Variants in EEF1D observed in about 807,000 individuals in gnomAD.
EEF1D encodes the protein eukaryotic translation elongation factor 1 delta.
In EEF1D, 47 loss-of-function variants were observed where a neutral mutation model predicts 63.9. The ratio of observed to expected loss-of-function variants is 0.74; its 90% CI spans 0.58 to 0.94. EEF1D has a LOEUF of 0.94. Among genes scored for constraint, EEF1D ranks in the 40% least tolerant of loss-of-function variants. The pLI is 0.00. For missense variants in EEF1D, 907 were observed against 899.0 expected (o/e 1.01, Z -0.11); for synonymous variants, 412 against 386.1 (o/e 1.07, Z -0.79).
In EEF1D at chr8:143,581,072, G is replaced by A. The variant is rs772197581; in HGVS notation, c.1470C>T (p.Ala490=). ...CATTCACCTGGGTCTGTGGGGCCGT[G>A]GCCCGGTGGCCAGGCGAGCTCTTCT... ...VLEKSSPGHR[A]TAPQTQHVSP... Residue 490 remains alanine, a synonymous_variant, in exon 7 of 10, where the codon GCC becomes GCT. Coordinates refer to ENST00000618139, the MANE Select transcript of EEF1D (RefSeq NM_001130053.5). The A allele has an allele frequency of 2.9e-5, 46 of 1,611,934 alleles. No homozygotes were observed. In the Middle Eastern group the frequency reaches 5.8e-4, roughly 20 times the overall value.
At chr8:143,595,656 G>A (rs1828676237) in intron 1 of EEF1D, among the ~76,000 whole-genome samples, 1 of 147,752 alleles carries the variant, frequency 6.8e-6, no homozygotes, top group Admixed American at 6.7e-5. Flanking sequence ...AACCCACCCT[G>A]CCCCAGGCCA....
chr8:143,589,643 G>A lies in EEF1D; in HGVS notation c.439C>T (p.Leu147Phe). 6.5e-7 allele frequency: 1 copy of A among 1,541,128 alleles called. No homozygotes were observed. The highest frequency in any genetic ancestry group is 1.7e-4 in the Middle Eastern group (1 of 5,728). Reference protein sequence around the residue: ...AWPPALAPWGLCTHGNQVACH... With the variant: ...AWPPALAPWGFCTHGNQVACH... ...GCCACCTGGTTTCCATGGGTGCAGA[G>A]ACCCCAAGGGGCCAAGGCAGGAGGC... Residue 147 changes from leucine to phenylalanine, a missense_variant, in exon 3 of 10, where the codon CTC (leucine) becomes TTC (phenylalanine). By Grantham distance (22) the Leu-to-Phe change is conservative (BLOSUM62 0). Coordinates refer to ENST00000618139, the MANE Select transcript of EEF1D (RefSeq NM_001130053.5).
rs200542436 is a variant in EEF1D, at chr8:143,586,716, G to A, written c.1215+13C>T. 2.8e-5 allele frequency: 45 copies of A among 1,611,562 alleles called. No homozygotes were observed. The highest frequency in any genetic ancestry group is 1.8e-4 in the Middle Eastern group (1 of 5,580). ...CAGCAGAGCCGCCCAGCCGCCCCAC[G>A]TGCAGCTCTCACCTGGCGGGAGGCA... On this transcript the variant is annotated intron_variant, in intron 4 of 9. Coordinates refer to ENST00000618139, the MANE Select transcript of EEF1D (RefSeq NM_001130053.5).
intron 2 of EEF1D, chr8:143,592,319 C>T (rs1007406461): frequency 2.5e-5 from 24 of 975,620 alleles, no homozygotes; most frequent in Non-Finnish European, 2.7e-5. Flanking sequence ...TTGGGGGCTC[C>T]GGGCAGAAGC....
intron 5 of EEF1D, chr8:143,582,059 C>T (rs916923039): frequency 6.6e-6 from 1 of 152,336 alleles, no homozygotes; most frequent in Non-Finnish European, 1.5e-5. Flanking sequence ...AACCCCATCT[C>T]GGCAGCTCCC....
At chr8:143,586,607 C>T (rs1040364017) in intron 4 of EEF1D, 122 bp downstream of exon 4, 200 of 1,413,984 alleles carry the variant, frequency 1.4e-4, no homozygotes, top group Non-Finnish European at 1.9e-4. Context: ...TCCCAGCACC[C>T]ACAGCAGAGC....
At chr8:143,586,416 A>C in intron 4 of EEF1D, 126 bp from the exon 5 acceptor site, 1 of 967,124 alleles carries the variant, frequency 1.0e-6, no homozygotes, top group Middle Eastern at 3.4e-4. Context: ...ACAGAACGAG[A>C]GCTTGGCGGG....
At chr8:143,588,102 G>A (rs1327507704) in intron 3 of EEF1D, among the ~76,000 whole-genome samples, 1 of 152,184 alleles carries the variant, frequency 6.6e-6, no homozygotes, top group Non-Finnish European at 1.5e-5. Context: ...GTGAACACCA[G>A]GGCAGGTGGA....
At position 143,589,521 on chromosome 8, in the gene EEF1D, G is replaced by A. The variant is rs745942742; in HGVS notation, c.561C>T (p.Ala187=). 9 of 1,512,062 alleles carry A rather than the reference G, an allele frequency of 6.0e-6. No individual in the cohort carries two copies. The highest frequency in any genetic ancestry group is 2.6e-5 in the South Asian group (2 of 75,970). The allele number at this position is 1,512,062 out of a possible 1,614,324, so 93.7% of individuals were successfully genotyped here. The change falls in exon 3 of 10, where the codon GCC becomes GCT. Residue 187 remains alanine (A), a synonymous_variant. Transcript: ENST00000618139. ...TCCCCTGCCTGCGGCTGCCGTCGGG[G>A]GCCAGCAACAGGGCCTGAGACCACT... ...FVEWSQALLL[A]PDGSRRQGTP...
chr8:143,586,195 G>A (rs912826205), intron 5 of EEF1D, 24 bp downstream of exon 5: 25 of 1,597,762 alleles, frequency 1.6e-5, no homozygotes, highest in Non-Finnish European at 2.0e-5. Context: ...GGAGCCCGCA[G>A]GTCCGTGGGC....
chr8:143,585,095 C>G (rs1367611850), intron 5 of EEF1D, among the ~76,000 whole-genome samples: 1 of 152,152 alleles, frequency 6.6e-6, no homozygotes, highest in Non-Finnish European at 1.5e-5. Flanking sequence ...ACAAATGAGA[C>G]AATGAGAATC....
At chr8:143,584,888 G>A (rs1426741210) in intron 5 of EEF1D, among the ~76,000 whole-genome samples, 2 of 152,128 alleles carry the variant, frequency 1.3e-5, no homozygotes, top group African/African-American at 2.4e-5. Flanking sequence ...ATTTTGAAAG[G>A]GAATGCCTGT....
chr8:143,593,570 C>G (rs1828322601), intron 1 of EEF1D, among the ~76,000 whole-genome samples: 1 of 152,138 alleles, frequency 6.6e-6, no homozygotes, highest in Non-Finnish European at 1.5e-5. Context: ...CACACTGCAG[C>G]AGGGAGCACC....
At chr8:143,580,394 G>A (rs557648800) in intron 8 of EEF1D, 112 bp downstream of exon 8, 11 of 1,369,848 alleles carry the variant, frequency 8.0e-6, no homozygotes, top group East Asian at 7.0e-5. Context: ...TCTAAACTCG[G>A]CTTTAAAGTC....
intron 5 of EEF1D, chr8:143,582,307 C>T (rs932045556): frequency 2.0e-5 from 3 of 152,380 alleles, no homozygotes; most frequent in African/African-American, 7.2e-5. Flanking sequence ...AGGAGGCCCA[C>T]CTGGCAGCAA....
chr8:143,597,125 C>G (rs968919831), intron 1 of EEF1D: 1 of 152,164 alleles, frequency 6.6e-6, no homozygotes, highest in Admixed American at 6.5e-5. Flanking sequence ...GCCCCCGTCC[C>G]GCGGACGCCC....
chr8:143,586,984 A>G (rs1194410916), intron 3 of EEF1D, 132 bp from the exon 4 acceptor site: 1 of 1,223,898 alleles, frequency 8.2e-7, no homozygotes, highest in Non-Finnish European at 1.1e-6. Flanking sequence ...AAGCGACACC[A>G]AGCCCGTAAG....
intron 5 of EEF1D, chr8:143,585,987 T>C: frequency 6.5e-6 from 3 of 464,848 alleles, no homozygotes; most frequent in Non-Finnish European, 7.7e-6. Context: ...GAGCGGCCAG[T>C]GTGACCGCCA....
rs930110538 is a variant in EEF1D at position 143,592,168 on chromosome 8, G to A, written c.-1+479C>T. On this transcript the variant is annotated intron_variant, in intron 2 of 9. Transcript: ENST00000618139. ...GCAAGAGCCCAGGAGACAGGGCATT[G>A]TGACATCGTGCGGTGGTACCCCCAC... 9.1e-6 allele frequency: 9 copies of A among 985,522 alleles called. No individual in the cohort carries two copies. In the African/African-American group the frequency reaches 1.4e-4, roughly 15 times the overall value. 61.0% of individuals were successfully genotyped at this position (985,522 alleles called of 1,614,324 possible). A position where few individuals can be genotyped will look rare whatever the true frequency, so the allele number is the denominator to read the frequency against.
Sources: gnomAD v4.1 joint callset for allele counts (sites outside exome capture counted in the v4.1 genomes callset) on GRCh38, gnomAD v4.1.1 for gene constraint, MANE v1.5 for transcripts, NCBI Gene and HGNC (gene_info 2026-07-23, HGNC 2026-07-21) for gene names.